The following SYNE1 variants were observed in gnomAD, a reference collection of about 807,000 sequenced individuals.
SYNE1 encodes spectrin repeat containing nuclear envelope protein 1.
In SYNE1, 616 loss-of-function variants were observed where a neutral mutation model predicts 1,111.0. The observed-to-expected ratio is 0.55, with a 90% CI of 0.52 to 0.59. The LOEUF (loss-of-function observed/expected upper bound fraction) is 0.59. SYNE1 is among the 20% of genes least tolerant of loss of function. SYNE1 has a pLI of 0.00. For missense variants in SYNE1, 10,006 were observed against 10,417.0 expected (o/e 0.96, Z 1.72); for synonymous variants, 3,855 against 3,825.8 (o/e 1.01, Z -0.28).
intron 3 of SYNE1, among the ~76,000 whole-genome samples, chr6:152,606,354 C>T (rs1314777805): frequency 6.6e-6 from 1 of 152,138 alleles, no homozygotes; most frequent in Admixed American, 6.5e-5. Context: ...GCCCCCTGTC[C>T]AGAGCAACTC....
At chr6:152,176,655 T>TTCCAA in intron 129 of SYNE1, 95 bp from the exon 130 acceptor site, 1 of 1,257,734 alleles carries the variant, frequency 8.0e-7, no homozygotes, top group Non-Finnish European at 1.2e-6. Context: ...TGCTTTCTAC[T>TTCCAA]GCTTGGAAGT....
intron 12 of SYNE1, among the ~76,000 whole-genome samples, chr6:152,485,951 C>G (rs909773515): frequency 2.0e-5 from 3 of 152,108 alleles, no homozygotes. Context: ...AACCCCAGCA[C>G]TTTTGGAGAT....
Position 152,122,383 on chromosome 6 carries a change from T to C in SYNE1, c.*53A>G. On this transcript the variant is annotated 3_prime_UTR_variant, in exon 146 of 146. Coordinates refer to ENST00000367255, the MANE Select transcript of SYNE1 (RefSeq NM_182961.4). ...CTTGTTGGTAGTTTGGGATTGCTTA[T>C]GACCCGATCCTCCTTATGCTACCAG... is the stretch of plus-strand genomic sequence containing the variant. 1 of 1,613,246 alleles carries C rather than the reference T, an allele frequency of 6.2e-7. No homozygotes were observed. Among genetic ancestry groups the C allele is most frequent in the Non-Finnish European group, 8.5e-7 (1 of 1,180,036 alleles).
intron 64 of SYNE1, among the ~76,000 whole-genome samples, 171 bp from the exon 65 acceptor site, chr6:152,359,629 G>GTGTGT (rs2096897661): frequency 6.7e-6 from 1 of 148,496 alleles, no homozygotes; most frequent in African/African-American, 2.5e-5. Flanking sequence ...TGAATGCATG[G>GTGTGT]GTGTGTGTGT....
At position 152,130,849 on chromosome 6, in the gene SYNE1, G is replaced by A. The variant is rs1001540139; in HGVS notation, c.26095-71C>T. ...AGGCAAATAAAGACAAGCTACTAAT[G>A]AAAATTAAACTAAAAGTGCAGCAAA... On this transcript the variant is annotated intron_variant, in intron 144 of 145. Coordinates refer to ENST00000367255, the MANE Select transcript of SYNE1 (RefSeq NM_182961.4). 235 of 1,514,084 alleles carry A rather than the reference G, an allele frequency of 1.6e-4. No homozygotes were observed. The Middle Eastern group carries it at 1.7e-3, about 11-fold the overall frequency. The allele number at this position is 1,514,084 out of a possible 1,614,324, so 93.8% of individuals were successfully genotyped here.
rs34464554 is a variant in SYNE1, at chr6:152,331,635, C to G, written c.13050G>C (p.Gln4350His). The G allele has an allele frequency of 1.2e-6, 2 of 1,614,176 alleles. No individual in the cohort carries two copies. The highest frequency in any genetic ancestry group is 1.7e-6 in the Non-Finnish European group (2 of 1,180,036). ...VTNLEELNVVQSRFQELMEWA... is the reference protein window; with the variant it reads ...VTNLEELNVVHSRFQELMEWA... ...ACTCCATTAGCTCCTGAAATCTGGA[C>G]TGCACCACATTTAACTCCTCCAAGT... The change falls in exon 78 of 146, where the codon CAG becomes CAC. Residue 4350 changes from glutamine (Q) to histidine (H), a missense_variant. This residue lies in a region of SYNE1 where 4,955 missense variants were observed against 5,017.2 expected (regional missense o/e 0.99). Transcript: ENST00000367255.
intron 131 of SYNE1, among the ~76,000 whole-genome samples, chr6:152,160,723 G>T (rs2062309185): frequency 6.6e-6 from 1 of 152,062 alleles, no homozygotes; most frequent in African/African-American, 2.4e-5. Flanking sequence ...AAATTATAAA[G>T]AATTTTTCTC....
chr6:152,581,889 T>C (rs2128426686), intron 3 of SYNE1, among the ~76,000 whole-genome samples: 1 of 152,318 alleles, frequency 6.6e-6, no homozygotes, highest in East Asian at 1.9e-4. Flanking sequence ...TTCACTCTTC[T>C]TGTGAACACT....
chr6:152,626,166 A>T (rs2099685290), intron 3 of SYNE1, among the ~76,000 whole-genome samples: 1 of 152,226 alleles, frequency 6.6e-6, no homozygotes, highest in South Asian at 2.1e-4. Context: ...TTATCTTAAT[A>T]AAAAGGACTT....
intron 3 of SYNE1, among the ~76,000 whole-genome samples, chr6:152,590,595 A>G (rs748971292): frequency 1.8e-4 from 27 of 152,294 alleles, no homozygotes; most frequent in Non-Finnish European, 1.6e-4. Flanking sequence ...GCAAAATAAT[A>G]GTCTTATCTT....
At position 152,347,119 on chromosome 6, in the gene SYNE1, C is replaced by T; in HGVS notation, c.12018G>A (p.Val4006=). The T allele has an allele frequency of 6.2e-7, 1 of 1,614,174 alleles. No individual in the cohort carries two copies. The highest frequency in any genetic ancestry group is 8.5e-7 in the Non-Finnish European group (1 of 1,180,046). The change falls in exon 73 of 146, where the codon GTG becomes GTA. Residue 4006 remains valine, a synonymous_variant. Coordinates refer to ENST00000367255, the MANE Select transcript of SYNE1 (RefSeq NM_182961.4). ...CCTTTGTGCCCTGCAGATGAGCATG[C>T]ACGTTTTGTTTAAGTTTCGCTTGCA... ...DHLQAKLKQN[V]HAHLQGTKDS...
intron 26 of SYNE1, 64 bp downstream of exon 26, chr6:152,450,983 T>C: frequency 1.4e-5 from 22 of 1,610,330 alleles, no homozygotes; most frequent in Non-Finnish European, 1.8e-5. Context: ...AAAATATTAG[T>C]AATATCCTTT....
chr6:152,359,719 CT>C (rs1343269576), intron 64 of SYNE1, among the ~76,000 whole-genome samples: 1 of 151,946 alleles, frequency 6.6e-6, no homozygotes, highest in Admixed American at 6.6e-5. Flanking sequence ...TATATTTCTA[CT>C]CTTAACATTT....
chr6:152,544,442 C>T (rs963658237), intron 3 of SYNE1, among the ~76,000 whole-genome samples: 1 of 151,950 alleles, frequency 6.6e-6, no homozygotes, highest in Non-Finnish European at 1.5e-5. Context: ...ATTTCAAAAG[C>T]AGTTGGTCCT....
intron 27 of SYNE1, 31 bp from the exon 28 acceptor site, chr6:152,449,672 G>A (rs2098630936): frequency 2.7e-6 from 4 of 1,471,504 alleles, no homozygotes; most frequent in African/African-American, 1.4e-5. Context: ...TCTTATTAAA[G>A]GGAGAACATA....
chr6:152,140,361 A>G (rs2058260781), intron 139 of SYNE1, among the ~76,000 whole-genome samples, 200 bp from the exon 140 acceptor site: 1 of 152,236 alleles, frequency 6.6e-6, no homozygotes, highest in Non-Finnish European at 1.5e-5. Context: ...TATTTCTAAT[A>G]ATAATGAAGC....
In SYNE1 at chr6:152,147,971, G is replaced by T. The variant is rs558449983; in HGVS notation, c.24976+74C>A. The T allele has an allele frequency of 3.9e-6, 5 of 1,271,822 alleles. No individual in the cohort carries two copies. The African/African-American group carries it at 7.3e-5, about 19-fold the overall frequency. 78.8% of individuals were successfully genotyped at this position (1,271,822 alleles called of 1,614,324 possible). A position where few individuals can be genotyped will look rare whatever the true frequency, so the allele number is the denominator to read the frequency against. The stretch of plus-strand genomic sequence containing the variant: ...AGGAAGCAAATGATTCTGGATAGCT[G>T]TCATGTTTCCAGGGCAATATTAATT... On this transcript the variant is annotated intron_variant, in intron 137 of 145. Coordinates refer to ENST00000367255, the MANE Select transcript of SYNE1 (RefSeq NM_182961.4).
At chr6:152,482,049 A>G (rs2154293257) in intron 14 of SYNE1, among the ~76,000 whole-genome samples, 2 of 152,190 alleles carry the variant, frequency 1.3e-5, no homozygotes, top group South Asian at 4.2e-4. Flanking sequence ...GTATCAGAAA[A>G]GGCCAAGAGG....
chr6:152,296,353 T>A (rs916252284), intron 93 of SYNE1, among the ~76,000 whole-genome samples: 6 of 152,262 alleles, frequency 3.9e-5, no homozygotes, highest in African/African-American at 1.4e-4. Context: ...CAGACTCACA[T>A]ATCCAGATGT....
Sources: allele counts gnomAD v4.1 joint callset (sites outside exome capture counted in the v4.1 genomes callset), GRCh38; gene constraint gnomAD v4.1.1; regional missense constraint gnomAD v4.1.1; transcripts MANE v1.5; gene names NCBI Gene and HGNC (gene_info 2026-07-23, HGNC 2026-07-21).